MAST4: variants seen among roughly 807,000 people sequenced by gnomAD.
MAST4 encodes microtubule associated serine/threonine kinase family member 4.
In MAST4, 89 loss-of-function variants were observed where a neutral mutation model predicts 162.7. The observed-to-expected ratio is 0.55, with a 90% CI of 0.46 to 0.65. MAST4 has a LOEUF of 0.65. Ranked by LOEUF, MAST4 falls within the 30% of genes least tolerant of loss-of-function variation. The probability of loss-of-function intolerance (pLI) is 0.00; values close to 1 mark genes in which losing one functional copy is unlikely to be tolerated. For synonymous variants in MAST4, 1,479 were observed against 1,361.1 expected (o/e 1.09, Z -1.91); for missense variants, 3,153 against 3,374.0 (o/e 0.93, Z 1.62).
intron 4 of MAST4, 34 bp downstream of exon 4, chr5:66,900,016 T>C: frequency 7.2e-7 from 1 of 1,398,308 alleles, no homozygotes; most frequent in Non-Finnish European, 9.6e-7. Flanking sequence ...TTGTTTTCTT[T>C]TTATTAATAT....
chr5:66,794,370 C>T (rs1414438901), intron 3 of MAST4, among the ~76,000 whole-genome samples: 2 of 152,112 alleles, frequency 1.3e-5, no homozygotes, highest in Admixed American at 1.3e-4. Context: ...GTAATAACCT[C>T]AGAAGGTTAT....
chr5:67,037,291 C>T (rs1756142841), intron 4 of MAST4, among the ~76,000 whole-genome samples: 1 of 152,068 alleles, frequency 6.6e-6, no homozygotes, highest in Non-Finnish European at 1.5e-5. Flanking sequence ...GTTGAGGGTT[C>T]CAGCTTCCCA....
At chr5:67,090,434 CT>C (rs572394140) in intron 6 of MAST4, among the ~76,000 whole-genome samples, 1 of 37,546 alleles carries the variant, frequency 2.7e-5, no homozygotes, top group Non-Finnish European at 4.1e-5. Context: ...CACTTCCCCC[CT>C]CCCCCTCCCC....
chr5:66,651,077 A>G (rs1354778285), intron 1 of MAST4, among the ~76,000 whole-genome samples: 2 of 152,184 alleles, frequency 1.3e-5, no homozygotes, highest in Admixed American at 6.5e-5. Flanking sequence ...AGCAAAATCT[A>G]TATTATGTTA....
At chr5:66,794,454 A>G (rs763332179) in intron 3 of MAST4, among the ~76,000 whole-genome samples, 4 of 152,244 alleles carry the variant, frequency 2.6e-5, no homozygotes, top group East Asian at 1.9e-4. Flanking sequence ...GCTGTCATCA[A>G]TGTTCTTGGG....
intron 4 of MAST4, among the ~76,000 whole-genome samples, chr5:66,990,073 A>G (rs566304797): frequency 1.4e-4 from 21 of 152,304 alleles, no homozygotes; most frequent in Admixed American, 2.6e-4. Context: ...GTAAGAAGTT[A>G]ATTTTATAAA....
chr5:66,772,059 T>C (rs1428363777), intron 2 of MAST4, among the ~76,000 whole-genome samples: 1 of 152,192 alleles, frequency 6.6e-6, no homozygotes, highest in African/African-American at 2.4e-5. Flanking sequence ...TTAGTAGAGA[T>C]GAGGAAGCCA....
chr5:67,121,615 G>A (rs1767604251), intron 14 of MAST4, among the ~76,000 whole-genome samples: 1 of 151,368 alleles, frequency 6.6e-6, no homozygotes, highest in Admixed American at 6.6e-5. Context: ...GGGCCACACT[G>A]GGAGAAGAAC....
intron 2 of MAST4, among the ~76,000 whole-genome samples, chr5:66,763,268 G>T (rs935704717): frequency 1.3e-5 from 2 of 152,164 alleles, no homozygotes; most frequent in Non-Finnish European, 2.9e-5. Flanking sequence ...TGAATCTTAG[G>T]TGGGAAAATT....
intron 4 of MAST4, among the ~76,000 whole-genome samples, chr5:67,011,363 T>C (rs1273967291): frequency 1.3e-5 from 2 of 152,204 alleles, no homozygotes; most frequent in East Asian, 3.9e-4. Flanking sequence ...CACTCCTTGC[T>C]TTGCCCAGGC....
chr5:66,596,904 G>A lies in MAST4; in HGVS notation c.249G>A (p.Pro83=). Residue 83 remains proline (P), a synonymous_variant, in exon 1 of 29, where the codon CCG becomes CCA. Transcript: ENST00000403625. Reference sequence around the variant, plus strand: ...CCCGGGCGCCCGCCGCGTGGGCTCCGGCAAGCGTGCTGCTGGAGCGCGGAG... The same window carrying A: ...CCCGGGCGCCCGCCGCGTGGGCTCCAGCAAGCGTGCTGCTGGAGCGCGGAG... ...LGARAPAAWA[P]ASVLLERGVL... The A allele has an allele frequency of 2.3e-6, 3 of 1,288,588 alleles. No homozygotes were observed. Among genetic ancestry groups the A allele is most frequent in the Non-Finnish European group, 3.0e-6 (3 of 1,016,566 alleles). The allele number at this position is 1,288,588 out of a possible 1,614,324, so 79.8% of individuals were successfully genotyped here.
chr5:67,032,059 C>T (rs1047617010), intron 4 of MAST4, among the ~76,000 whole-genome samples: 2 of 152,166 alleles, frequency 1.3e-5, no homozygotes, highest in Non-Finnish European at 2.9e-5. Context: ...ACTCTTGCTC[C>T]ATGGCTGCTT....
At chr5:67,078,744 ATATT>A (rs1304271342) in intron 5 of MAST4, among the ~76,000 whole-genome samples, 76 of 131,414 alleles carry the variant, frequency 5.8e-4, no homozygotes, top group East Asian at 3.8e-3. Flanking sequence ...ATCTAAATAT[ATATT>A]TATTTATATT....
chr5:67,062,394 C>T (rs1424393110), intron 5 of MAST4, among the ~76,000 whole-genome samples: 2 of 151,282 alleles, frequency 1.3e-5, no homozygotes, highest in African/African-American at 4.9e-5. Context: ...CAAGATGGTC[C>T]CCAAAAAAAA....
rs367978062 is a variant in MAST4 at position 67,045,731 on chromosome 5, T to G, written c.675-8673T>G. 6.6e-5 allele frequency among the ~76,000 whole-genome samples: 10 copies of G among 152,194 alleles called. 1 individual carries two copies. The East Asian group carries it at 1.5e-3, about 23-fold the overall frequency. Reference sequence around the variant, plus strand: ...AAGTTGCTCTGTATATACGCTCCAATTAGCAGCAGTTACAGGTAGATTTTT... The same window carrying G: ...AAGTTGCTCTGTATATACGCTCCAAGTAGCAGCAGTTACAGGTAGATTTTT... On this transcript the variant is annotated intron_variant, in intron 4 of 28. Transcript: ENST00000403625.
At chr5:66,807,594 T>G (rs1280046598) in intron 3 of MAST4, among the ~76,000 whole-genome samples, 1 of 152,246 alleles carries the variant, frequency 6.6e-6, no homozygotes, top group Non-Finnish European at 1.5e-5. Context: ...TCTTTCTATT[T>G]TTATGTGTAT....
Position 66,788,785 on chromosome 5 carries a change from C to T in MAST4, c.633C>T (p.Thr211=), listed in dbSNP as rs576537550. 1.0e-5 allele frequency: 16 copies of T among 1,588,124 alleles called. No homozygotes were observed. The African/African-American group carries it at 1.3e-4, about 13-fold the overall frequency. The change falls in exon 3 of 29, where the codon ACC becomes ACT. Residue 211 remains threonine (T), a synonymous_variant. Coordinates refer to ENST00000403625, the MANE Select transcript of MAST4 (RefSeq NM_001164664.2). ...QALGQSAPSL[T]ASLKELSLPR... is the part of the protein sequence containing the mutation. ...TGGGCCAGTCGGCGCCCTCGCTCACCGCCAGCCTGGTGAGTGTCCGCGGGC... is the reference window on the plus strand; with the variant it reads ...TGGGCCAGTCGGCGCCCTCGCTCACTGCCAGCCTGGTGAGTGTCCGCGGGC...
At chr5:67,084,030 C>T (rs1005277999) in intron 5 of MAST4, among the ~76,000 whole-genome samples, 4 of 152,162 alleles carry the variant, frequency 2.6e-5, no homozygotes, top group Non-Finnish European at 5.9e-5. Flanking sequence ...TAACACATCT[C>T]CAAGGGATTC....
rs559858384 is a variant in MAST4, at chr5:66,649,159, A to G, written c.363+52141A>G. Reference sequence around the variant, plus strand: ...AAGCCATTGCCCTAACAGTGAATCAATCAACTTGGTTGTCTTGCCATTTGT... The same window carrying G: ...AAGCCATTGCCCTAACAGTGAATCAGTCAACTTGGTTGTCTTGCCATTTGT... On this transcript the variant is annotated intron_variant, in intron 1 of 28. Coordinates refer to ENST00000403625, the MANE Select transcript of MAST4 (RefSeq NM_001164664.2). Among the ~76,000 whole-genome samples the G allele has an allele frequency of 5.5e-4, 83 of 152,278 alleles. No homozygotes were observed. The South Asian group carries it at 0.015, about 28-fold the overall frequency.
Sources: gnomAD v4.1 joint callset for allele counts (sites outside exome capture counted in the v4.1 genomes callset) on GRCh38, gnomAD v4.1.1 for gene constraint, MANE v1.5 for transcripts, NCBI Gene and HGNC (gene_info 2026-07-23, HGNC 2026-07-21) for gene names.